Variants in VPS26B observed in about 807,000 individuals in gnomAD.
The protein encoded by VPS26B is vacuolar protein sorting-associated protein 26B.
VPS26B carries 10 observed loss-of-function variants against 33.3 expected under a neutral mutation model. The ratio of observed to expected loss-of-function variants is 0.30; its 90% confidence interval spans 0.19 to 0.51. The LOEUF is 0.51. VPS26B is among the 20% of genes least tolerant of loss of function. VPS26B has a pLI of 0.98. For synonymous variants in VPS26B, 190 were observed against 176.9 expected (o/e 1.07, Z -0.59); for missense variants, 317 against 452.7 (o/e 0.70, Z 2.72).
intron 1 of VPS26B, among the ~76,000 whole-genome samples, chr11:134,225,912 A>G (rs1247811796): frequency 6.6e-6 from 1 of 152,148 alleles, no homozygotes; most frequent in East Asian, 1.9e-4. Context: ...CTATGCTTGT[A>G]CATGTTTCCA....
Position 134,246,752 on chromosome 11 carries a change from T to C in VPS26B, c.*1162T>C, listed in dbSNP as rs1199104036. The C allele has an allele frequency of 1.3e-5, 2 of 152,328 alleles. No homozygotes were observed. The highest frequency in any genetic ancestry group is 2.9e-5 in the Non-Finnish European group (2 of 68,010). The allele number at this position is 152,328 out of a possible 1,614,324, so 9.4% of individuals were successfully genotyped here. A position where few individuals can be genotyped will look rare whatever the true frequency, so the allele number is the denominator to read the frequency against. On this transcript the variant is annotated 3_prime_UTR_variant, in exon 6 of 6. Transcript: ENST00000281187. ...GTATCGTGTGTTTAAAAAACACATA[T>C]AAAAAAACTCTTGTGAATATTCTTG...
In VPS26B at chr11:134,243,232, A is replaced by G. The variant is rs769205837; in HGVS notation, c.659A>G (p.Asn220Ser). The part of the protein sequence containing the change: ...IKRETTGTGP[N>S]VYHENDTIAK... ...CGAGAAACGACGGGTACAGGCCCCA[A>G]CGTGTACCATGAGAATGACACGATA... Residue 220 changes from asparagine to serine, a missense_variant, in exon 4 of 6, where the codon AAC becomes AGC. Coordinates refer to ENST00000281187, the MANE Select transcript of VPS26B (RefSeq NM_052875.5). 4.3e-6 allele frequency: 7 copies of G among 1,614,164 alleles called. No homozygotes were observed. The highest frequency in any genetic ancestry group is 3.3e-5 in the South Asian group (3 of 91,084).
rs1187046577 is a variant in VPS26B, at chr11:134,240,707, C to T, written c.545+552C>T. On this transcript the variant is annotated intron_variant, in intron 3 of 5. Transcript: ENST00000281187. The surrounding 1 kb of genome is among the most constrained non-coding windows in gnomAD (Gnocchi z 4.4). ...TGACCTCCTAGACTCAAGCATTTCT[C>T]TCACCTCCGCCCCTACAAGTAGCTA... is the stretch of plus-strand genomic sequence containing the variant. Among the ~76,000 whole-genome samples, 4 of 151,998 alleles carry T rather than the reference C, an allele frequency of 2.6e-5. No individual in the cohort carries two copies. Among genetic ancestry groups the T allele is most frequent in the African/African-American group, 4.8e-5 (2 of 41,370 alleles).
In VPS26B at chr11:134,232,447, C is replaced by T. The variant is rs746105395; in HGVS notation, c.224-2450C>T. Among the ~76,000 whole-genome samples, 49 of 152,354 alleles carry T rather than the reference C, an allele frequency of 3.2e-4. 1 individual carries two copies. Among genetic ancestry groups the T allele is most frequent in the South Asian group, 8.3e-4 (4 of 4,834 alleles). On this transcript the variant is annotated intron_variant, in intron 1 of 5. Coordinates refer to ENST00000281187, the MANE Select transcript of VPS26B (RefSeq NM_052875.5). The stretch of plus-strand genomic sequence containing the variant: ...CCAGGCCAGCCCTGCTGTGACTGCA[C>T]ACTGGCCACTCTTCCATGACATTTG...
intron 2 of VPS26B, among the ~76,000 whole-genome samples, chr11:134,237,932 G>A (rs748326287): frequency 6.6e-6 from 1 of 152,174 alleles, no homozygotes; most frequent in African/African-American, 2.4e-5. Context: ...AGAGGGTAAG[G>A]CCTGGAGAGG....
At position 134,225,027 on chromosome 11, in the gene VPS26B, C is replaced by T. The variant is rs1465749734; in HGVS notation, c.-96C>T. ...CAGCCCCGCGGCGGCCGAGCGCGCT[C>T]GCGCATCGGGCCCTCTGGCCTTCTT... On this transcript the variant is annotated 5_prime_UTR_variant, in exon 1 of 6. Transcript: ENST00000281187. 3 of 1,197,074 alleles carry T rather than the reference C, an allele frequency of 2.5e-6. No individual in the cohort carries two copies. The highest frequency in any genetic ancestry group is 3.3e-6 in the Non-Finnish European group (3 of 920,018). The allele number at this position is 1,197,074 out of a possible 1,614,324, so 74.2% of individuals were successfully genotyped here.
chr11:134,231,634 A>G (rs1455991998), intron 1 of VPS26B, among the ~76,000 whole-genome samples: 1 of 151,084 alleles, frequency 6.6e-6, no homozygotes, highest in East Asian at 1.9e-4. Context: ...GCACAATCTC[A>G]GCTCACTGCA....
Position 134,240,254 on chromosome 11 carries a change from C to G in VPS26B, c.545+99C>G. ...CTGATGACCCTCTGTGACTCGACTG[C>G]TTTGTGGTGGCATGCGGTGGGGGAA... On this transcript the variant is annotated intron_variant, in intron 3 of 5. Coordinates refer to ENST00000281187, the MANE Select transcript of VPS26B (RefSeq NM_052875.5). This position sits in a 1 kb window ranked among gnomAD's most constrained non-coding sequence, Gnocchi z 4.4. 7.2e-7 allele frequency: 1 copy of G among 1,389,342 alleles called. No homozygotes were observed. Among genetic ancestry groups the G allele is most frequent in the South Asian group, 1.2e-5 (1 of 80,264 alleles). The allele number at this position is 1,389,342 out of a possible 1,614,324, so 86.1% of individuals were successfully genotyped here. A position where few individuals can be genotyped will look rare whatever the true frequency, so the allele number is the denominator to read the frequency against.
chr11:134,226,030 C>T (rs1390054055), intron 1 of VPS26B, among the ~76,000 whole-genome samples: 3 of 152,188 alleles, frequency 2.0e-5, no homozygotes, highest in Non-Finnish European at 4.4e-5. Context: ...TGTTTAAAGA[C>T]AAAGAAATGG....
intron 3 of VPS26B, among the ~76,000 whole-genome samples, chr11:134,241,662 C>T (rs1017075543): frequency 3.3e-5 from 5 of 152,246 alleles, no homozygotes; most frequent in African/African-American, 1.2e-4. Context: ...AAAGCAGCCA[C>T]TGGTCATCAG....
Position 134,245,319 on chromosome 11 carries a change from T to G in VPS26B, c.865-125T>G. The G allele has an allele frequency of 1.4e-6, 2 of 1,427,474 alleles. No individual in the cohort carries two copies. The highest frequency in any genetic ancestry group is 1.9e-6 in the Non-Finnish European group (2 of 1,051,426). The allele number at this position is 1,427,474 out of a possible 1,614,324, so 88.4% of individuals were successfully genotyped here. ...AGGGAGGTGCTGGCAGCTGCTGCCT[T>G]TGGTGAGAGAGAAGCAGAGGAGGTC... On this transcript the variant is annotated intron_variant, in intron 5 of 5. Coordinates refer to ENST00000281187, the MANE Select transcript of VPS26B (RefSeq NM_052875.5). The surrounding 1 kb of genome is among the most constrained non-coding windows in gnomAD (Gnocchi z 4.7).
In VPS26B at chr11:134,246,029, G is replaced by A. The variant is rs1938811482; in HGVS notation, c.*439G>A. ...TTGTACTCCCCTTTGCTGTCCCGGAGGTAGTGGCAGGAGTTGGGCCAGCCC... is the reference window on the plus strand; with the variant it reads ...TTGTACTCCCCTTTGCTGTCCCGGAAGTAGTGGCAGGAGTTGGGCCAGCCC... On this transcript the variant is annotated 3_prime_UTR_variant, in exon 6 of 6. Transcript: ENST00000281187. 6.3e-6 allele frequency: 1 copy of A among 158,160 alleles called. No homozygotes were observed. The highest frequency in any genetic ancestry group is 1.4e-5 in the Non-Finnish European group (1 of 71,668). The allele number at this position is 158,160 out of a possible 1,614,324, so 9.8% of individuals were successfully genotyped here. A position where few individuals can be genotyped will look rare whatever the true frequency, so the allele number is the denominator to read the frequency against.
At position 134,247,090 on chromosome 11, in the gene VPS26B, A is replaced by G. The variant is rs531674366; in HGVS notation, c.*1500A>G. 1.3e-5 allele frequency: 2 copies of G among 152,264 alleles called. No individual in the cohort carries two copies. The highest frequency in any genetic ancestry group is 1.9e-4 in the East Asian group (1 of 5,164). 9.4% of individuals were successfully genotyped at this position (152,264 alleles called of 1,614,324 possible). A position where few individuals can be genotyped will look rare whatever the true frequency, so the allele number is the denominator to read the frequency against. On this transcript the variant is annotated 3_prime_UTR_variant, in exon 6 of 6. Transcript: ENST00000281187. ...CTCAGGCCTTTGGCAGGGCTCATGG[A>G]TCAGAGCTGAGACTGGAGGGAGAGG...
At position 134,245,352 on chromosome 11, in the gene VPS26B, G is replaced by GA; in HGVS notation, c.865-91dup. ...AGAGAAGCAGAGGAGGTCCTTGCCCGAGATTCCCCACGTCAAAGTTGGGAG... is the reference window on the plus strand; with the variant it reads ...AGAGAAGCAGAGGAGGTCCTTGCCCGAAGATTCCCCACGTCAAAGTTGGGAG... On this transcript the variant is annotated intron_variant, in intron 5 of 5. Transcript: ENST00000281187. The surrounding 1 kb of genome is among the most constrained non-coding windows in gnomAD (Gnocchi z 4.7). 1 of 1,564,028 alleles carries GA rather than the reference G, an allele frequency of 6.4e-7. No individual in the cohort carries two copies. The highest frequency in any genetic ancestry group is 8.7e-7 in the Non-Finnish European group (1 of 1,147,236).
chr11:134,242,424 G>A (rs949119532), intron 3 of VPS26B, among the ~76,000 whole-genome samples: 2 of 152,212 alleles, frequency 1.3e-5, no homozygotes, highest in South Asian at 4.1e-4. Flanking sequence ...GTCCATGCCA[G>A]CATTCTTATC....
intron 1 of VPS26B, among the ~76,000 whole-genome samples, chr11:134,233,132 T>C (rs957176653): frequency 3.3e-5 from 5 of 152,220 alleles, no homozygotes; most frequent in African/African-American, 1.2e-4. Context: ...TAATAAAAGA[T>C]TGTGGCTGAT....
At chr11:134,232,744 A>T (rs1938574320) in intron 1 of VPS26B, among the ~76,000 whole-genome samples, 1 of 151,978 alleles carries the variant, frequency 6.6e-6, no homozygotes, top group Non-Finnish European at 1.5e-5. Context: ...TGGACCATTG[A>T]TTCTGGACAC....
intron 2 of VPS26B, among the ~76,000 whole-genome samples, chr11:134,236,052 A>T (rs1374710792): frequency 6.6e-6 from 1 of 152,012 alleles, no homozygotes; most frequent in Non-Finnish European, 1.5e-5. Flanking sequence ...CTCTTTTTAA[A>T]TCTTTGCAGA....
chr11:134,227,913 C>T (rs1397921578), intron 1 of VPS26B, among the ~76,000 whole-genome samples: 1 of 152,238 alleles, frequency 6.6e-6, no homozygotes, highest in Non-Finnish European at 1.5e-5. Flanking sequence ...AAGAAGATCG[C>T]CCTGTCTACT....
Sources: allele counts gnomAD v4.1 joint callset (sites outside exome capture counted in the v4.1 genomes callset), GRCh38; gene constraint gnomAD v4.1.1; non-coding constraint Gnocchi (gnomAD v3.1); transcripts MANE v1.5; gene names NCBI Gene and HGNC (gene_info 2026-07-23, HGNC 2026-07-21).